Variants in GPHN observed in about 807,000 individuals in gnomAD.
The protein encoded by GPHN is gephyrin.
A neutral mutation model predicts 95.5 loss-of-function variants in GPHN; 17 were observed. The ratio of observed to expected loss-of-function variants is 0.18; its 90% CI spans 0.12 to 0.27. GPHN has a LOEUF of 0.27. GPHN is among the 10% of genes least tolerant of loss of function. The pLI is 1.00. For missense variants in GPHN, 660 were observed against 978.1 expected (o/e 0.67, Z 4.34); for synonymous variants, 320 against 322.5 (o/e 0.99, Z 0.08).
chr14:67,388,049 G>A, the GPHN span, among the ~76,000 whole-genome samples: 4 of 152,132 alleles, frequency 2.6e-5, no homozygotes, highest in Admixed American at 2.0e-4. Flanking sequence ...TTCTTAAAAC[G>A]CCAAGAACAT....
At chr14:67,179,767 AATT>A in intron 22 of GPHN, 93 bp downstream of exon 22, 1 of 768,072 alleles carries the variant, frequency 1.3e-6, no homozygotes. Context: ...CTGATTTTGT[AATT>A]ATTATACATT....
chr14:66,619,680 G>A (rs1038691451), intron 1 of GPHN, among the ~76,000 whole-genome samples: 1 of 152,030 alleles, frequency 6.6e-6, no homozygotes, highest in African/African-American at 2.4e-5. Flanking sequence ...TCTCATAGCA[G>A]TGTCTTTCAC....
intron 1 of GPHN, among the ~76,000 whole-genome samples, chr14:66,556,106 A>G (rs2140226853): frequency 6.6e-6 from 1 of 152,296 alleles, no homozygotes; most frequent in Non-Finnish European, 1.5e-5. Context: ...GTATCTGAAG[A>G]TTCTAAATAT....
the GPHN span, among the ~76,000 whole-genome samples, chr14:67,417,279 G>A: frequency 1.3e-5 from 2 of 152,138 alleles, no homozygotes; most frequent in Admixed American, 1.3e-4. Context: ...GAGTTGTTTG[G>A]GGAAAATAAA....
At chr14:66,993,166 TCTC>T (rs1349346547) in intron 9 of GPHN, among the ~76,000 whole-genome samples, 1 of 152,128 alleles carries the variant, frequency 6.6e-6, no homozygotes, top group East Asian at 1.9e-4. Flanking sequence ...GAAAGGTTGA[TCTC>T]CTCAAATTGT....
the GPHN span, chr14:67,337,879 T>A: frequency 6.6e-6 from 1 of 152,192 alleles, no homozygotes; most frequent in Non-Finnish European, 1.5e-5. Context: ...TCATAACTCA[T>A]CGGCAATCAT....
intron 10 of GPHN, among the ~76,000 whole-genome samples, chr14:67,033,967 A>G (rs1013336756): frequency 6.6e-6 from 1 of 152,214 alleles, no homozygotes; most frequent in African/African-American, 2.4e-5. Flanking sequence ...TACTGCATCC[A>G]GCAAAACTGT....
the GPHN span, among the ~76,000 whole-genome samples, chr14:67,681,085 G>T: frequency 6.6e-6 from 1 of 152,204 alleles, no homozygotes; most frequent in African/African-American, 2.4e-5. Flanking sequence ...GGCCTTTAAG[G>T]AGGTAACTAA....
the GPHN span, among the ~76,000 whole-genome samples, chr14:67,458,889 T>G: frequency 2.0e-5 from 3 of 151,552 alleles, no homozygotes; most frequent in Non-Finnish European, 4.4e-5. Context: ...GGCTAATGTT[T>G]TTTGTTTTGT....
the GPHN span, among the ~76,000 whole-genome samples, chr14:67,408,150 G>A: frequency 2.0e-3 from 304 of 152,024 alleles, 2 homozygotes; most frequent in Admixed American, 3.7e-3. Context: ...ACCGGGCGTG[G>A]TGGTGCATGC....
intron 10 of GPHN, among the ~76,000 whole-genome samples, chr14:67,029,197 T>C (rs1319066221): frequency 6.6e-6 from 1 of 152,214 alleles, no homozygotes; most frequent in African/African-American, 2.4e-5. Context: ...TTGATCTATA[T>C]GTCTGGCTTT....
At chr14:67,678,365 G>A in the GPHN span, 2 of 1,614,046 alleles carry the variant, frequency 1.2e-6, no homozygotes, top group South Asian at 2.2e-5. Context: ...ACGTCCCACA[G>A]CCGCCTTGCT....
Position 66,600,782 on chromosome 14 carries a change from G to A in GPHN, c.65-80325G>A, listed in dbSNP as rs1385830847. The stretch of plus-strand genomic sequence containing the variant: ...TGTTGCACTTAATAGACTGTGAAAA[G>A]AATAATCCTTTATAGTATGAGAGCA... On this transcript the variant is annotated intron_variant, in intron 1 of 22. Transcript: ENST00000478722. Among the ~76,000 whole-genome samples, 9 of 152,148 alleles carry A rather than the reference G, an allele frequency of 5.9e-5. No individual in the cohort carries two copies. In the South Asian group the frequency reaches 1.2e-3, roughly 21 times the overall value.
At chr14:66,822,931 T>A (rs1252701139) in intron 3 of GPHN, among the ~76,000 whole-genome samples, 5 of 152,198 alleles carry the variant, frequency 3.3e-5, no homozygotes, top group Admixed American at 2.0e-4. Flanking sequence ...TGTTCTAGGA[T>A]ACATCAGTCG....
At chr14:66,610,195 G>A (rs1250422940) in intron 1 of GPHN, among the ~76,000 whole-genome samples, 2 of 152,144 alleles carry the variant, frequency 1.3e-5, no homozygotes, top group Non-Finnish European at 2.9e-5. Context: ...GATGTATATT[G>A]GCAGAATATT....
the GPHN span, chr14:67,649,419 T>C: frequency 8.5e-5 from 13 of 152,290 alleles, no homozygotes; most frequent in East Asian, 1.5e-3. Flanking sequence ...TGAGCCATGA[T>C]TGTGCCACTG....
At chr14:67,574,380 A>C in the GPHN span, 1 of 1,584,922 alleles carries the variant, frequency 6.3e-7, no homozygotes, top group Non-Finnish European at 8.6e-7. The surrounding 1 kb of genome is among the most constrained non-coding windows in gnomAD (Gnocchi z 4.2). Flanking sequence ...CACCAAGCCC[A>C]CCGTGAAGGG....
chr14:67,358,912 T>A, the GPHN span, among the ~76,000 whole-genome samples: 2 of 152,154 alleles, frequency 1.3e-5, no homozygotes, highest in Non-Finnish European at 2.9e-5. Flanking sequence ...CAAGAAATAT[T>A]TTTTTGTGGA....
intron 8 of GPHN, among the ~76,000 whole-genome samples, chr14:66,940,242 A>G (rs2067344309): frequency 6.6e-6 from 1 of 151,268 alleles, no homozygotes; most frequent in Non-Finnish European, 1.5e-5. Context: ...AAAAAAAAAA[A>G]GAAGGCGTTT....
Sources: gnomAD v4.1 joint callset for allele counts (sites outside exome capture counted in the v4.1 genomes callset) on GRCh38, gnomAD v4.1.1 for gene constraint, Gnocchi (gnomAD v3.1) non-coding constraint, MANE v1.5 for transcripts, NCBI Gene and HGNC (gene_info 2026-07-23, HGNC 2026-07-21) for gene names.